Variants in UBA2 observed in about 807,000 individuals in gnomAD.
UBA2 encodes the protein SUMO-activating enzyme subunit 2.
UBA2 carries 11 observed loss-of-function variants against 77.2 expected under a neutral mutation model. The ratio of observed to expected loss-of-function variants is 0.14; its 90% CI spans 0.09 to 0.24. The LOEUF (loss-of-function observed/expected upper bound fraction) is 0.24, where lower values mean the gene tolerates loss of function less well. UBA2 is among the 10% of genes least tolerant of loss of function. UBA2 has a pLI of 1.00. For synonymous variants in UBA2, 278 were observed against 276.7 expected (o/e 1.00, Z -0.05); for missense variants, 487 against 781.7 (o/e 0.62, Z 4.50).
At chr19:34,457,180 ATATAT>A (rs1382804732) in intron 12 of UBA2, among the ~76,000 whole-genome samples, 12 of 39,984 alleles carry the variant, frequency 3.0e-4, no homozygotes, top group Admixed American at 1.0e-3. Flanking sequence ...AAAAAAAAAA[ATATAT>A]ATATATATAT....
At chr19:34,466,547 C>T (rs1002993919) in intron 15 of UBA2, among the ~76,000 whole-genome samples, 1 of 152,106 alleles carries the variant, frequency 6.6e-6, no homozygotes, top group Non-Finnish European at 1.5e-5. Context: ...TTTTGATTAT[C>T]ACAGAAATTT....
At chr19:34,445,726 C>T (rs1328756783) in intron 8 of UBA2, among the ~76,000 whole-genome samples, 1 of 152,166 alleles carries the variant, frequency 6.6e-6, no homozygotes, top group Non-Finnish European at 1.5e-5. Context: ...GCGTGAGCCA[C>T]TGCTCCTGGC....
At chr19:34,463,973 T>A (rs1200247358) in intron 14 of UBA2, 53 bp from the exon 15 acceptor site, 10 of 1,305,390 alleles carry the variant, frequency 7.7e-6, no homozygotes, top group Non-Finnish European at 1.1e-5. Flanking sequence ...AAAATCAACC[T>A]GACTGCTCTA....
Position 34,444,044 on chromosome 19 carries a change from G to GTTTTTTTTTTTT in UBA2, c.649+146_649+157dup, listed in dbSNP as rs35028159. 1.3e-3 allele frequency: 236 copies of GTTTTTTTTTTTT among 175,762 alleles called. 4 individuals are homozygous for GTTTTTTTTTTTT. The highest frequency in any genetic ancestry group is 3.3e-3 in the South Asian group (47 of 14,426). 10.9% of individuals were successfully genotyped at this position (175,762 alleles called of 1,614,324 possible). A position where few individuals can be genotyped will look rare whatever the true frequency, so the allele number is the denominator to read the frequency against. Reference sequence around the variant, plus strand: ...TGTGTTTAACATGTGTTTTTTTTTTGTTTTTTTTTTTTTTTTTTTTTTTTG... The same window carrying GTTTTTTTTTTTT: ...TGTGTTTAACATGTGTTTTTTTTTTGTTTTTTTTTTTTTTTTTTTTTTTTTTTTTTTTTTTTG... On this transcript the variant is annotated intron_variant, in intron 7 of 16. Coordinates refer to ENST00000246548, the MANE Select transcript of UBA2 (RefSeq NM_005499.3).
chr19:34,452,950 A>G (rs1440023232), intron 10 of UBA2, among the ~76,000 whole-genome samples: 1 of 152,194 alleles, frequency 6.6e-6, no homozygotes, highest in Non-Finnish European at 1.5e-5. Flanking sequence ...GTAACTTTTC[A>G]TATTTTCATT....
chr19:34,458,034 A>G (rs552766707), intron 12 of UBA2, among the ~76,000 whole-genome samples: 9 of 152,306 alleles, frequency 5.9e-5, no homozygotes, highest in South Asian at 4.1e-4. Flanking sequence ...GAAAGGCACT[A>G]TCGTTAACTG....
intron 16 of UBA2, among the ~76,000 whole-genome samples, chr19:34,468,276 A>G (rs2075707878): frequency 6.6e-6 from 1 of 152,182 alleles, no homozygotes; most frequent in Non-Finnish European, 1.5e-5. Context: ...GGAGACGAAC[A>G]TTCAGATTAT....
chr19:34,428,623 A>G (rs2075214152), intron 1 of UBA2, 53 bp downstream of exon 1: 3 of 860,652 alleles, frequency 3.5e-6, no homozygotes, highest in Non-Finnish European at 4.4e-6. Flanking sequence ...GGGGGCTGGG[A>G]TTCGGGGGTT....
At chr19:34,458,414 G>A (rs1036550299) in intron 12 of UBA2, among the ~76,000 whole-genome samples, 1 of 151,656 alleles carries the variant, frequency 6.6e-6, no homozygotes, top group African/African-American at 2.4e-5. Flanking sequence ...CAAAAAATTA[G>A]CCGGGCGAGG....
In UBA2 at chr19:34,469,054, G is replaced by A; in HGVS notation, c.1756G>A (p.Asp586Asn). The A allele has an allele frequency of 6.2e-7, 1 of 1,604,526 alleles. No homozygotes were observed. The highest frequency in any genetic ancestry group is 1.1e-5 in the South Asian group (1 of 88,972). ...PSTSTAQEQD[D>N]VLIVDSDEED... ...TCTGAAATAAGCTCAAGAGCAAGAT[G>A]ACGTTCTCATAGTTGATTCAGATGA... is the stretch of plus-strand genomic sequence containing the variant. The change falls in exon 17 of 17, where the codon GAC becomes AAC. Residue 586 changes from aspartate (D) to asparagine (N), a missense_variant. Physicochemically the swap from Asp to Asn is conservative, Grantham distance 23. Coordinates refer to ENST00000246548, the MANE Select transcript of UBA2 (RefSeq NM_005499.3).
chr19:34,461,980 A>G (rs530777065), intron 14 of UBA2, among the ~76,000 whole-genome samples: 2 of 152,358 alleles, frequency 1.3e-5, no homozygotes, highest in East Asian at 3.9e-4. Context: ...ACATCTGTCT[A>G]CAAAGGTGTG....
At chr19:34,435,877 T>A (rs1033177921) in intron 5 of UBA2, among the ~76,000 whole-genome samples, 1 of 151,526 alleles carries the variant, frequency 6.6e-6, no homozygotes. Flanking sequence ...CCAGCACTTT[T>A]TGGGAACCCG....
chr19:34,442,394 C>T (rs911566042), intron 6 of UBA2, among the ~76,000 whole-genome samples: 5 of 152,120 alleles, frequency 3.3e-5, no homozygotes, highest in South Asian at 2.1e-4. Context: ...AGATACTTCC[C>T]GATAAACTCA....
At chr19:34,454,954 ATAATGT>A (rs768146952) in intron 12 of UBA2, among the ~76,000 whole-genome samples, 6 of 152,080 alleles carry the variant, frequency 3.9e-5, no homozygotes, top group African/African-American at 7.2e-5. Flanking sequence ...ATAGTTTTTG[ATAATGT>A]TAATGTCTGA....
chr19:34,430,434 A>G (rs961150783), intron 1 of UBA2, 142 bp from the exon 2 acceptor site: 8 of 492,262 alleles, frequency 1.6e-5, no homozygotes, highest in African/African-American at 9.8e-5. Context: ...CAGTTTAACA[A>G]TTTTGGTATG....
chr19:34,442,579 C>A (rs2075382419), intron 6 of UBA2, among the ~76,000 whole-genome samples: 1 of 152,126 alleles, frequency 6.6e-6, no homozygotes, highest in Non-Finnish European at 1.5e-5. Flanking sequence ...TTACAGGCGT[C>A]TGCCACCACG....
chr19:34,449,133 G>A (rs1370107849), intron 8 of UBA2, among the ~76,000 whole-genome samples: 2 of 137,280 alleles, frequency 1.5e-5, no homozygotes, highest in Non-Finnish European at 3.0e-5. Flanking sequence ...GCAGTGGTGC[G>A]ATCTCAGCTG....
intron 6 of UBA2, 51 bp downstream of exon 6, chr19:34,438,817 G>A: frequency 6.2e-7 from 1 of 1,601,836 alleles, no homozygotes; most frequent in Non-Finnish European, 8.5e-7. Context: ...GATGGAAAAT[G>A]GAGTCATTTT....
intron 15 of UBA2, among the ~76,000 whole-genome samples, chr19:34,466,285 G>A (rs1049610969): frequency 6.6e-6 from 1 of 152,112 alleles, no homozygotes; most frequent in Non-Finnish European, 1.5e-5. Flanking sequence ...GCAGTGAACC[G>A]AGATCACGCT....
Sources: gnomAD v4.1 joint callset for allele counts (sites outside exome capture counted in the v4.1 genomes callset) on GRCh38, gnomAD v4.1.1 for gene constraint, MANE v1.5 for transcripts, NCBI Gene and HGNC (gene_info 2026-07-23, HGNC 2026-07-21) for gene names.